HSH2D: variants seen among roughly 807,000 people sequenced by gnomAD.
The protein encoded by HSH2D is hematopoietic SH2 domain-containing protein.
HSH2D carries 16 observed loss-of-function variants against 21.5 expected under a neutral mutation model. The ratio of observed to expected loss-of-function variants is 0.74; its 90% CI spans 0.50 to 1.13. The LOEUF (loss-of-function observed/expected upper bound fraction) is 1.13. Ranked by LOEUF, HSH2D falls within the 50% of genes most tolerant of loss-of-function variation. The pLI is 0.00. For synonymous variants in HSH2D, 172 were observed against 184.7 expected, an observed-to-expected ratio of 0.93 and a Z score of 0.56; for missense variants, 418 against 441.4, an observed-to-expected ratio of 0.95 and a Z score of 0.47.
chr19:16,143,796 G>A, intron 1 of HSH2D, 22 bp downstream of exon 1: 1 of 433,370 alleles, frequency 2.3e-6, no homozygotes, highest in Non-Finnish European at 4.7e-6. Context: ...AAGAGCCTCA[G>A]CCCTCGAGGA....
Position 16,157,468 on chromosome 19 carries a change from C to T in HSH2D, c.733C>T (p.Pro245Ser), listed in dbSNP as rs768807489. The T allele has an allele frequency of 4.3e-6, 7 of 1,613,802 alleles. No homozygotes were observed. In the East Asian group the frequency reaches 1.1e-4, roughly 26 times the overall value. ...CCGGAGATCCACGGTGATCTCAGGCCCTGGGACCGGAAAAGGCAGCCAAGA... is the reference window on the plus strand; with the variant it reads ...CCGGAGATCCACGGTGATCTCAGGCTCTGGGACCGGAAAAGGCAGCCAAGA... Reference protein sequence around the residue: ...DVRRSTVISGPGTGKGSQDHS... With the variant: ...DVRRSTVISGSGTGKGSQDHS... The change falls in exon 6 of 6, where the codon CCT (proline) becomes TCT (serine). Residue 245 changes from proline (P) to serine (S), a missense_variant. Pro to Ser is a moderately conservative substitution (Grantham distance 74). Coordinates refer to ENST00000613986, the MANE Select transcript of HSH2D (RefSeq NM_001382417.1). This position sits in a 1 kb window ranked among gnomAD's most constrained non-coding sequence, Gnocchi z 4.4.
upstream of HSH2D, among the ~76,000 whole-genome samples, chr19:16,141,051 C>T (rs187123187): frequency 2.9e-4 from 44 of 152,366 alleles, no homozygotes; most frequent in African/African-American, 1.0e-3. Context: ...GATTCTCTCA[C>T]TCCCAACTCA....
At position 16,146,822 on chromosome 19, in the gene HSH2D, C is replaced by T. The variant is rs2091076820; in HGVS notation, c.-27-1902C>T. 2.6e-5 allele frequency among the ~76,000 whole-genome samples: 4 copies of T among 150,954 alleles called. 1 individual carries two copies. Among genetic ancestry groups the T allele is most frequent in the South Asian group, 4.2e-4 (2 of 4,814 alleles). ...TTGATATTTACTTAATATTTAAATA[C>T]TCTACTCTTTTTTTTTTTTTTGAGA... On this transcript the variant is annotated intron_variant, in intron 1 of 5. Coordinates refer to ENST00000613986, the MANE Select transcript of HSH2D (RefSeq NM_001382417.1).
chr19:16,138,190 T>C (rs1320211640), intron 1 of HSH2D, among the ~76,000 whole-genome samples: 1 of 152,150 alleles, frequency 6.6e-6, no homozygotes, highest in Non-Finnish European at 1.5e-5. Context: ...TTCATATCAA[T>C]GGAATCATGC....
Position 16,146,526 on chromosome 19 carries a change from A to G in HSH2D, c.-27-2198A>G, listed in dbSNP as rs552303660. Among the ~76,000 whole-genome samples, 9 of 152,114 alleles carry G rather than the reference A, an allele frequency of 5.9e-5. No individual in the cohort carries two copies. In the East Asian group the frequency reaches 1.5e-3, roughly 26 times the overall value. On this transcript the variant is annotated intron_variant, in intron 1 of 5. Transcript: ENST00000613986. The stretch of plus-strand genomic sequence containing the variant: ...CCCTGTTTCTACAAAAAAATTTTCA[A>G]AATTAGCCAGGCATGGTACTGCATG...
At chr19:16,144,649 G>A (rs2091039292) in intron 1 of HSH2D, among the ~76,000 whole-genome samples, 1 of 151,194 alleles carries the variant, frequency 6.6e-6, no homozygotes, top group Non-Finnish European at 1.5e-5. Context: ...GGCGAGCTAG[G>A]GTTTGAACCC....
At chr19:16,154,258 T>G (rs1202543034) in intron 4 of HSH2D, 141 bp from the exon 5 acceptor site, 8 of 553,588 alleles carry the variant, frequency 1.4e-5, no homozygotes, top group Non-Finnish European at 2.6e-5. Flanking sequence ...GGGGCATATT[T>G]TCTTATAACG....
intron 1 of HSH2D, among the ~76,000 whole-genome samples, chr19:16,146,512 C>CA (rs1171143236): frequency 4.0e-5 from 6 of 151,854 alleles, no homozygotes; most frequent in Admixed American, 3.9e-4. Context: ...CCTGTTTCTA[C>CA]AAAAAAATTT....
chr19:16,153,699 G>A (rs146761722), intron 4 of HSH2D, among the ~76,000 whole-genome samples: 1 of 145,386 alleles, frequency 6.9e-6, no homozygotes, highest in Non-Finnish European at 1.5e-5. Context: ...CTCCCAATAC[G>A]CTTTCCTTAG....
upstream of HSH2D, chr19:16,143,609 AGCTGTC>A (rs1236144118): frequency 3.1e-6 from 1 of 324,752 alleles, no homozygotes; most frequent in Non-Finnish European, 6.4e-6. Context: ...GGGTGACTTG[AGCTGTC>A]CTTGTTCCGC....
At chr19:16,144,440 A>G (rs769780933) in intron 1 of HSH2D, among the ~76,000 whole-genome samples, 2 of 150,560 alleles carry the variant, frequency 1.3e-5, no homozygotes, top group Admixed American at 1.3e-4. Context: ...TCTTCCAAGT[A>G]AAAAAAAAGA....
chr19:16,148,649 A>G lies in HSH2D; in HGVS notation c.-27-75A>G, dbSNP rs1480591779. On this transcript the variant is annotated intron_variant, in intron 1 of 5. Coordinates refer to ENST00000613986, the MANE Select transcript of HSH2D (RefSeq NM_001382417.1). ...AGGACTTCTCAAAGGAGGAGGCACC[A>G]CAAGCTTCAAGAATAGAGCAAAGAT... 23 of 1,470,442 alleles carry G rather than the reference A, an allele frequency of 1.6e-5. No individual in the cohort carries two copies. In the Admixed American group the frequency reaches 1.9e-4, roughly 12 times the overall value. 91.1% of individuals were successfully genotyped at this position (1,470,442 alleles called of 1,614,324 possible). A position where few individuals can be genotyped will look rare whatever the true frequency, so the allele number is the denominator to read the frequency against.
intron 2 of HSH2D, among the ~76,000 whole-genome samples, chr19:16,151,959 A>AT (rs1464320782): frequency 6.7e-6 from 1 of 149,038 alleles, no homozygotes; most frequent in Non-Finnish European, 1.5e-5. Flanking sequence ...AAAAAAAAAA[A>AT]AGTTGGGCAT....
rs200624546 is a variant in HSH2D at position 16,145,032 on chromosome 19, T to G, written c.-28+1258T>G. ...TTGTTGGTGGTGATGGGTTTTTTTT[T>G]TGGGGTTTTTTTTTTTTTTTTTGTG... is the stretch of plus-strand genomic sequence containing the variant. On this transcript the variant is annotated intron_variant, in intron 1 of 5. Transcript: ENST00000613986. 2.3e-3 allele frequency among the ~76,000 whole-genome samples: 325 copies of G among 144,398 alleles called. 5 individuals carry two copies. In the East Asian group the frequency reaches 0.054, roughly 24 times the overall value. The allele number at this position is 144,398 out of a possible 152,430, so 94.7% of individuals were successfully genotyped here.
chr19:16,137,576 C>CAA (rs78977060), intron 1 of HSH2D, among the ~76,000 whole-genome samples: 4 of 102,458 alleles, frequency 3.9e-5, no homozygotes, highest in African/African-American at 7.0e-5. Context: ...GACTCCGTCT[C>CAA]AAAAAAAAAA....
chr19:16,157,441 G>A lies in HSH2D; in HGVS notation c.706G>A (p.Val236Ile). 5 of 1,613,908 alleles carry A rather than the reference G, an allele frequency of 3.1e-6. No individual in the cohort carries two copies. The highest frequency in any genetic ancestry group is 3.4e-6 in the Non-Finnish European group (4 of 1,179,880). ...TGTGAACTTGTCGTCACTCTTGGAT[G>A]TCCGGAGATCCACGGTGATCTCAGG... ...ATVNLSSLLDVRRSTVISGPG... is the reference protein window; with the variant it reads ...ATVNLSSLLDIRRSTVISGPG... The change falls in exon 6 of 6, where the codon GTC becomes ATC. Residue 236 changes from valine to isoleucine, a missense_variant. By Grantham distance (29) the Val-to-Ile change is conservative. Coordinates refer to ENST00000613986, the MANE Select transcript of HSH2D (RefSeq NM_001382417.1). The surrounding 1 kb of genome is among the most constrained non-coding windows in gnomAD (Gnocchi z 4.4).
chr19:16,143,629 C>T, upstream of HSH2D: 1 of 372,586 alleles, frequency 2.7e-6, no homozygotes, highest in Non-Finnish European at 5.5e-6. Context: ...GTTCCGCCCC[C>T]AGGGCTCACC....
chr19:16,143,173 C>G (rs2091017466), upstream of HSH2D, among the ~76,000 whole-genome samples: 1 of 151,854 alleles, frequency 6.6e-6, no homozygotes. Context: ...CAACCTCCGC[C>G]TCCCGGGTTC....
chr19:16,149,295 C>T (rs544040460), intron 2 of HSH2D, among the ~76,000 whole-genome samples: 3 of 152,118 alleles, frequency 2.0e-5, no homozygotes, highest in South Asian at 4.1e-4. Flanking sequence ...CTCTGCCTCC[C>T]GGACTCAAGT....
Sources: gnomAD v4.1 joint callset for allele counts (sites outside exome capture counted in the v4.1 genomes callset) on GRCh38, gnomAD v4.1.1 for gene constraint, Gnocchi (gnomAD v3.1) non-coding constraint, MANE v1.5 for transcripts, NCBI Gene and HGNC (gene_info 2026-07-23, HGNC 2026-07-21) for gene names.